AGBL1: variants seen among roughly 807,000 people sequenced by gnomAD.
The protein encoded by AGBL1 is cytosolic carboxypeptidase 4.
Under a neutral mutation model 118.9 loss-of-function variants are expected in AGBL1, and 130 were observed. That is an observed-to-expected ratio of 1.09 (90% CI 0.95 to 1.26). The LOEUF (loss-of-function observed/expected upper bound fraction) is 1.26. AGBL1 is among the 50% of genes most tolerant of loss of function. AGBL1 has a pLI of 0.00. For missense variants in AGBL1, 1,584 were observed against 1,298.1 expected, an observed-to-expected ratio of 1.22 and a Z score of -3.38; for synonymous variants, 555 against 478.9, an observed-to-expected ratio of 1.16 and a Z score of -2.08.
intron 21 of AGBL1, among the ~76,000 whole-genome samples, chr15:86,557,485 A>G (rs1320063065): frequency 1.3e-5 from 2 of 152,178 alleles, no homozygotes; most frequent in African/African-American, 2.4e-5. Flanking sequence ...AGCAAAGTGG[A>G]TCTTAAAGAA....
At chr15:86,319,459 G>A (rs2080069275) in intron 17 of AGBL1, among the ~76,000 whole-genome samples, 1 of 151,894 alleles carries the variant, frequency 6.6e-6, no homozygotes, top group East Asian at 1.9e-4. Context: ...CCTCTTTTGT[G>A]ATGTTTCTGT....
intron 22 of AGBL1, among the ~76,000 whole-genome samples, chr15:86,807,850 G>C (rs1406050946): frequency 6.6e-6 from 1 of 152,142 alleles, no homozygotes; most frequent in Non-Finnish European, 1.5e-5. Flanking sequence ...CAGTATGTGA[G>C]AGATAATTGA....
chr15:86,869,050 A>G (rs1344074729), intron 22 of AGBL1, among the ~76,000 whole-genome samples: 4 of 152,234 alleles, frequency 2.6e-5, no homozygotes, highest in Admixed American at 2.0e-4. Flanking sequence ...GGGCATTTAT[A>G]TACTAGCTGT....
rs146818852 is a variant in AGBL1, at chr15:86,584,089, T to C, written c.2994+29552T>C. Among the ~76,000 whole-genome samples the C allele has an allele frequency of 3.2e-3, 482 of 152,290 alleles. 5 individuals carry two copies. The highest frequency in any genetic ancestry group is 0.011 in the African/African-American group (448 of 41,562). On this transcript the variant is annotated intron_variant, in intron 21 of 22. Coordinates refer to ENST00000614907, the MANE Select transcript of AGBL1 (RefSeq NM_001386094.1). ...CTTGTAAATTCTGGATATTAGACCT[T>C]TGTTGGATGCATAGTTTGCAAATAC...
chr15:86,853,512 T>C (rs1358386599), intron 22 of AGBL1, among the ~76,000 whole-genome samples: 4 of 152,176 alleles, frequency 2.6e-5, no homozygotes, highest in Admixed American at 1.3e-4. Flanking sequence ...ATTAAAGAAC[T>C]TACCCAATGT....
chr15:86,686,442 G>GTTT (rs368842116), intron 22 of AGBL1, among the ~76,000 whole-genome samples: 2,537 of 127,048 alleles, frequency 0.02, 81 homozygotes, highest in Non-Finnish European at 0.025. Context: ...CATATTCTAA[G>GTTT]TTTTTTTTTT....
intron 23 of AGBL1, among the ~76,000 whole-genome samples, chr15:86,937,304 A>G (rs896308691): frequency 6.6e-6 from 1 of 152,236 alleles, no homozygotes; most frequent in Non-Finnish European, 1.5e-5. Flanking sequence ...ATTACTGCGC[A>G]TATATCCAGA....
intron 18 of AGBL1, among the ~76,000 whole-genome samples, chr15:86,454,194 G>A (rs2082232947): frequency 6.6e-6 from 1 of 152,088 alleles, no homozygotes; most frequent in African/African-American, 2.4e-5. Context: ...TGCACACTGT[G>A]GTGGCTTCTG....
chr15:86,916,338 T>A (rs1439414881), downstream of AGBL1, among the ~76,000 whole-genome samples: 4 of 152,108 alleles, frequency 2.6e-5, no homozygotes, highest in South Asian at 4.1e-4. Flanking sequence ...TTTTTTTAAA[T>A]TTTTTAAAGA....
intron 5 of AGBL1, among the ~76,000 whole-genome samples, chr15:86,162,956 A>G (rs899587403): frequency 6.6e-6 from 1 of 152,126 alleles, no homozygotes; most frequent in Non-Finnish European, 1.5e-5. Context: ...CTCTCCTCAA[A>G]CATCCTCCAG....
At chr15:86,872,073 A>AT in intron 22 of AGBL1, among the ~76,000 whole-genome samples, 1 of 152,222 alleles carries the variant, frequency 6.6e-6, no homozygotes, top group Admixed American at 6.5e-5. Context: ...ATCGATCAAC[A>AT]GAAGCATATC....
At chr15:86,495,843 CTT>C (rs538275489) in intron 18 of AGBL1, among the ~76,000 whole-genome samples, 2 of 150,156 alleles carry the variant, frequency 1.3e-5, no homozygotes, top group East Asian at 3.9e-4. Context: ...CTTGCTTTTT[CTT>C]TTTTTTTCCT....
At chr15:86,572,608 C>A (rs535164158) in intron 21 of AGBL1, among the ~76,000 whole-genome samples, 5 of 152,164 alleles carry the variant, frequency 3.3e-5, no homozygotes, top group Non-Finnish European at 7.4e-5. Context: ...GCCAGAGCTG[C>A]GGAGGCTCTG....
intron 21 of AGBL1, among the ~76,000 whole-genome samples, chr15:86,566,857 C>T (rs948652427): frequency 1.8e-4 from 28 of 152,056 alleles, no homozygotes; most frequent in African/African-American, 6.0e-4. Flanking sequence ...AATATGGGCT[C>T]CTGTGTCAGA....
chr15:86,470,399 A>C (rs73457603), intron 18 of AGBL1, among the ~76,000 whole-genome samples: 25,217 of 152,004 alleles, frequency 0.17, 2,576 homozygotes, highest in African/African-American at 0.28. Flanking sequence ...TTAATTTCTA[A>C]GATCTCTATT....
At chr15:86,463,460 A>G (rs1268732008) in intron 18 of AGBL1, among the ~76,000 whole-genome samples, 2 of 151,968 alleles carry the variant, frequency 1.3e-5, no homozygotes, top group Non-Finnish European at 2.9e-5. Flanking sequence ...CTCATTTGTC[A>G]ATTTTGGCTT....
intron 18 of AGBL1, among the ~76,000 whole-genome samples, chr15:86,398,284 C>T (rs1167693689): frequency 1.3e-5 from 2 of 152,130 alleles, no homozygotes; most frequent in African/African-American, 2.4e-5. Context: ...TCAGATGAGG[C>T]ACCCAAAGTC....
chr15:86,565,152 A>T (rs1270286652), intron 21 of AGBL1, among the ~76,000 whole-genome samples: 1 of 152,216 alleles, frequency 6.6e-6, no homozygotes, highest in South Asian at 2.1e-4. Flanking sequence ...TTCTCTGTCC[A>T]GCTTTGTTCC....
chr15:86,987,114 G>C (rs1380992334), intron 23 of AGBL1, among the ~76,000 whole-genome samples: 5 of 152,110 alleles, frequency 3.3e-5, no homozygotes, highest in Non-Finnish European at 5.9e-5. Context: ...CACTTCTTTT[G>C]TGGTGGAATG....
Sources: gnomAD v4.1 joint callset for allele counts (sites outside exome capture counted in the v4.1 genomes callset) on GRCh38, gnomAD v4.1.1 for gene constraint, MANE v1.5 for transcripts, NCBI Gene and HGNC (gene_info 2026-07-23, HGNC 2026-07-21) for gene names.